HIKESHI: variants seen among roughly 807,000 people sequenced by gnomAD.
The protein encoded by HIKESHI is heat shock protein nuclear import factor hikeshi.
In HIKESHI, 13 loss-of-function variants were observed where a neutral mutation model predicts 25.7. That is an observed-to-expected ratio of 0.51 (90% CI 0.33 to 0.80). The LOEUF (loss-of-function observed/expected upper bound fraction) is 0.80, where lower values mean the gene tolerates loss of function less well. HIKESHI is among the 30% of genes least tolerant of loss of function. The pLI is 0.02. For missense variants in HIKESHI, 174 were observed against 229.5 expected (o/e 0.76, Z 1.56); for synonymous variants, 76 against 78.7 (o/e 0.97, Z 0.18).
At chr11:86,311,296 T>A (rs923328922) in intron 2 of HIKESHI, among the ~76,000 whole-genome samples, 1 of 152,234 alleles carries the variant, frequency 6.6e-6, no homozygotes, top group Admixed American at 6.5e-5. Flanking sequence ...TGGGAGGGTG[T>A]ATGTGTCAAG....
intron 1 of HIKESHI, chr11:86,303,241 A>G (rs1386317747): frequency 5.2e-6 from 1 of 191,188 alleles, no homozygotes; most frequent in Admixed American, 6.5e-5. Flanking sequence ...CCTTTCCCCT[A>G]GAAGTATTTT....
intron 3 of HIKESHI, among the ~76,000 whole-genome samples, chr11:86,339,616 T>TA (rs1593873363): frequency 6.6e-6 from 1 of 152,228 alleles, no homozygotes; most frequent in Admixed American, 6.5e-5. Flanking sequence ...TTTTAGTACT[T>TA]AAAAAAATTC....
chr11:86,324,856 G>A (rs58087702), intron 2 of HIKESHI, among the ~76,000 whole-genome samples: 1,987 of 152,228 alleles, frequency 0.013, 44 homozygotes, highest in African/African-American at 0.046. Flanking sequence ...GGAGGGTAGA[G>A]AGTTATTCAA....
rs1946702314 is a variant in HIKESHI at position 86,307,957 on chromosome 11, A to ATATAAAATATATATTATGTGTAATATATG, written c.268+1476_268+1477insATAAAATATATATTATGTGTAATATATGT. ...AAAATATATATTATGTGTAATATAT[A>ATATAAAATATATATTATGTGTAATATATG]TTATATAAAATATATATGTGTAATA... On this transcript the variant is annotated intron_variant, in intron 2 of 4. Transcript: ENST00000278483. 4.4e-5 allele frequency among the ~76,000 whole-genome samples: 2 copies of ATATAAAATATATATTATGTGTAATATATG among 45,932 alleles called. 1 individual carries two copies. Among genetic ancestry groups the ATATAAAATATATATTATGTGTAATATATG allele is most frequent in the Non-Finnish European group, 6.6e-5 (2 of 30,488 alleles). The allele number at this position is 45,932 out of a possible 152,430, so 30.1% of individuals were successfully genotyped here. A position where few individuals can be genotyped will look rare whatever the true frequency, so the allele number is the denominator to read the frequency against.
intron 2 of HIKESHI, among the ~76,000 whole-genome samples, chr11:86,323,224 C>G (rs1476976643): frequency 6.6e-6 from 1 of 150,920 alleles, no homozygotes; most frequent in African/African-American, 2.4e-5. Context: ...GAGTGAGACC[C>G]TGTCTTAAAA....
At chr11:86,326,165 G>A (rs1947278205) in intron 2 of HIKESHI, among the ~76,000 whole-genome samples, 1 of 152,162 alleles carries the variant, frequency 6.6e-6, no homozygotes, top group African/African-American at 2.4e-5. Context: ...GGGTGTGGTG[G>A]TGCATGGTTG....
intron 2 of HIKESHI, among the ~76,000 whole-genome samples, chr11:86,315,832 A>T (rs967771621): frequency 4.6e-5 from 7 of 152,166 alleles, no homozygotes; most frequent in African/African-American, 1.7e-4. Context: ...ATTGTGTAAA[A>T]CAGCATAACA....
intron 2 of HIKESHI, among the ~76,000 whole-genome samples, chr11:86,329,333 C>A (rs997820275): frequency 3.3e-5 from 5 of 151,868 alleles, no homozygotes; most frequent in Non-Finnish European, 7.4e-5. Flanking sequence ...GGCATTTTGG[C>A]TTTTTTTCTA....
chr11:86,329,246 T>C (rs756717037), intron 2 of HIKESHI, among the ~76,000 whole-genome samples: 62 of 152,144 alleles, frequency 4.1e-4, no homozygotes, highest in Non-Finnish European at 5.9e-4. Context: ...CCCACTTTTT[T>C]TCCTATTTGT....
intron 2 of HIKESHI, among the ~76,000 whole-genome samples, chr11:86,311,074 T>G (rs1473526126): frequency 1.3e-5 from 2 of 152,222 alleles, no homozygotes; most frequent in Non-Finnish European, 2.9e-5. Context: ...GTTGGCCTCA[T>G]GAAATGAATT....
intron 2 of HIKESHI, among the ~76,000 whole-genome samples, chr11:86,318,531 C>G (rs1462786229): frequency 6.6e-6 from 1 of 151,678 alleles, no homozygotes; most frequent in Non-Finnish European, 1.5e-5. Context: ...GCCAATATAA[C>G]CTTCATACCA....
At chr11:86,313,252 A>G (rs1339646048) in intron 2 of HIKESHI, among the ~76,000 whole-genome samples, 1 of 152,114 alleles carries the variant, frequency 6.6e-6, no homozygotes, top group Non-Finnish European at 1.5e-5. Context: ...TATTTTTGAG[A>G]TGGAGTTTTG....
chr11:86,321,658 T>A (rs953895389), intron 2 of HIKESHI, among the ~76,000 whole-genome samples: 1 of 151,572 alleles, frequency 6.6e-6, no homozygotes, highest in Non-Finnish European at 1.5e-5. Flanking sequence ...GCTTCCTGAG[T>A]AGTTGGAATT....
rs777178048 is a variant in HIKESHI, at chr11:86,316,638, A to G, written c.268+10156A>G. 1.6e-4 allele frequency among the ~76,000 whole-genome samples: 24 copies of G among 152,322 alleles called. No individual in the cohort carries two copies. The East Asian group carries it at 3.5e-3, about 22-fold the overall frequency. ...TTATCAGTTGTATAAATCAGTTTAT[A>G]TAAGTGTTTATATAAATGTAAACAG... On this transcript the variant is annotated intron_variant, in intron 2 of 4. Transcript: ENST00000278483.
At chr11:86,307,782 ATT>A (rs1946686724) in intron 2 of HIKESHI, among the ~76,000 whole-genome samples, 1 of 120,686 alleles carries the variant, frequency 8.3e-6, no homozygotes, top group Non-Finnish European at 1.6e-5. Context: ...TAAAATATAT[ATT>A]ATGTGTAATA....
At chr11:86,309,484 G>A (rs1946774630) in intron 2 of HIKESHI, among the ~76,000 whole-genome samples, 1 of 152,106 alleles carries the variant, frequency 6.6e-6, no homozygotes. Flanking sequence ...TTTGTCAGAT[G>A]GGTAGATTGC....
chr11:86,316,594 A>T lies in HIKESHI; in HGVS notation c.268+10112A>T, dbSNP rs1050607842. Among the ~76,000 whole-genome samples, 197 of 152,184 alleles carry T rather than the reference A, an allele frequency of 1.3e-3. 2 individuals are homozygous for T. The highest frequency in any genetic ancestry group is 8.8e-5 in the Non-Finnish European group (6 of 67,990). On this transcript the variant is annotated intron_variant, in intron 2 of 4. Coordinates refer to ENST00000278483, the MANE Select transcript of HIKESHI (RefSeq NM_016401.4). ...TAGTGTAGTAAAAAGAAAATAAGGCATTGGAAATAATTTCAACTTTATCAG... is the reference window on the plus strand; with the variant it reads ...TAGTGTAGTAAAAAGAAAATAAGGCTTTGGAAATAATTTCAACTTTATCAG...
intron 1 of HIKESHI, among the ~76,000 whole-genome samples, chr11:86,303,818 AT>A (rs1375123923): frequency 4.6e-5 from 7 of 152,010 alleles, no homozygotes; most frequent in African/African-American, 1.7e-4. Context: ...ATTTCTTAAG[AT>A]TTTTTTTCTT....
intron 2 of HIKESHI, among the ~76,000 whole-genome samples, chr11:86,314,235 A>G (rs1352439321): frequency 6.6e-6 from 1 of 152,144 alleles, no homozygotes; most frequent in Non-Finnish European, 1.5e-5. Context: ...TTTTGCTCTG[A>G]GGCGTCTGTG....
Sources: gnomAD v4.1 joint callset for allele counts (sites outside exome capture counted in the v4.1 genomes callset) on GRCh38, gnomAD v4.1.1 for gene constraint, MANE v1.5 for transcripts, NCBI Gene and HGNC (gene_info 2026-07-23, HGNC 2026-07-21) for gene names.